The following FAM135B variants were observed in gnomAD, a reference collection of about 807,000 sequenced individuals.
FAM135B encodes protein FAM135B.
In FAM135B, 43 loss-of-function variants were observed where a neutral mutation model predicts 127.7. That is an observed-to-expected ratio of 0.34 (90% CI 0.26 to 0.43). The LOEUF (loss-of-function observed/expected upper bound fraction) is 0.43. Among genes scored for constraint, FAM135B ranks in the 20% least tolerant of loss-of-function variants. The probability of loss-of-function intolerance (pLI) is 1.00; values close to 1 mark genes in which losing one functional copy is unlikely to be tolerated. For synonymous variants in FAM135B, 670 were observed against 665.1 expected (o/e 1.01, Z -0.11); for missense variants, 1,558 against 1,725.6 (o/e 0.90, Z 1.72).
Position 138,271,428 on chromosome 8 carries a change from A to T in FAM135B, c.158-5586T>A, listed in dbSNP as rs114316366. Among the ~76,000 whole-genome samples the T allele has an allele frequency of 9.3e-3, 1,420 of 152,302 alleles. 18 individuals are homozygous for T. The highest frequency in any genetic ancestry group is 0.033 in the African/African-American group (1,365 of 41,556). ...TATTATGTTTGTATGTTTTTGCTAT[A>T]AAATGTGTTTATTCATTCATTGAAT... On this transcript the variant is annotated intron_variant, in intron 3 of 19. Coordinates refer to ENST00000395297, the MANE Select transcript of FAM135B (RefSeq NM_015912.4).
Position 138,173,581 on chromosome 8 carries a change from A to T in FAM135B, c.1103+3766T>A, listed in dbSNP as rs540965675. On this transcript the variant is annotated intron_variant, in intron 11 of 19. Transcript: ENST00000395297. Reference sequence around the variant, plus strand: ...AACATTAAACGAGCCAAAGCATGTAACGCACTCAGTTTCTGATCAGAGTAG... The same window carrying T: ...AACATTAAACGAGCCAAAGCATGTATCGCACTCAGTTTCTGATCAGAGTAG... Among the ~76,000 whole-genome samples, 15 of 152,310 alleles carry T rather than the reference A, an allele frequency of 9.8e-5. No homozygotes were observed. In the South Asian group the frequency reaches 2.9e-3, roughly 29 times the overall value.
chr8:138,328,771 G>T (rs867583319), intron 2 of FAM135B, among the ~76,000 whole-genome samples: 2 of 152,196 alleles, frequency 1.3e-5, no homozygotes, highest in African/African-American at 2.4e-5. Flanking sequence ...ACTTCTGTGA[G>T]CTACTATTCC....
At chr8:138,225,373 T>C (rs145529388) in intron 7 of FAM135B, among the ~76,000 whole-genome samples, 140 of 151,830 alleles carry the variant, frequency 9.2e-4, no homozygotes, top group African/African-American at 3.3e-3. Flanking sequence ...CACCAGACAC[T>C]GGGCTTGTAG....
chr8:138,132,690 T>C lies in FAM135B; in HGVS notation c.4124A>G (p.Asn1375Ser). 6.2e-7 allele frequency: 1 copy of C among 1,614,116 alleles called. No individual in the cohort carries two copies. Among genetic ancestry groups the C allele is most frequent in the Non-Finnish European group, 8.5e-7 (1 of 1,180,016 alleles). Residue 1375 changes from asparagine to serine, a missense_variant, in exon 20 of 20, where the codon AAC becomes AGC. Transcript: ENST00000395297. The surrounding 1 kb of genome is among the most constrained non-coding windows in gnomAD (Gnocchi z 4.5). ...GTGAGCGGCTCGGCCGATCAGGGTG[T>C]TGGCAGTGTTGGGCAGGGCGTGGAA... ...NVFHALPNTA[N>S]TLIGRAAHIA...
chr8:138,396,278 C>A (rs1014742069), intron 1 of FAM135B, among the ~76,000 whole-genome samples: 1 of 152,140 alleles, frequency 6.6e-6, no homozygotes, highest in Non-Finnish European at 1.5e-5. Flanking sequence ...AAGCAGTGGC[C>A]AGCGTGTGGC....
chr8:138,332,620 T>TGTGACAGGTGAGGA (rs1314631948), intron 2 of FAM135B, among the ~76,000 whole-genome samples: 3 of 151,788 alleles, frequency 2.0e-5, no homozygotes, highest in Non-Finnish European at 2.9e-5. Context: ...GGCTCCCCAC[T>TGTGACAGGTGAGGA]GTGACAGGTG....
At chr8:138,161,967 G>T (rs1462437994) in intron 12 of FAM135B, among the ~76,000 whole-genome samples, 1 of 152,164 alleles carries the variant, frequency 6.6e-6, no homozygotes, top group East Asian at 1.9e-4. Context: ...GTGATGAATT[G>T]AGAATAGAAC....
chr8:138,445,450 C>G (rs1341866333), intron 1 of FAM135B, among the ~76,000 whole-genome samples: 2 of 152,152 alleles, frequency 1.3e-5, no homozygotes, highest in Non-Finnish European at 2.9e-5. Flanking sequence ...AAAAGCTTAT[C>G]CACCATGATC....
chr8:138,304,447 T>C (rs1267780469), intron 3 of FAM135B, among the ~76,000 whole-genome samples: 2 of 152,232 alleles, frequency 1.3e-5, no homozygotes, highest in African/African-American at 2.4e-5. Context: ...TGCATGCCTA[T>C]AGTTTGTGCG....
At chr8:138,330,909 C>G (rs1196022274) in intron 2 of FAM135B, among the ~76,000 whole-genome samples, 1 of 151,116 alleles carries the variant, frequency 6.6e-6, no homozygotes, top group Non-Finnish European at 1.5e-5. Flanking sequence ...GTGGCATGAT[C>G]TCAGCTCACT....
chr8:138,379,641 G>A (rs192384797), intron 1 of FAM135B, among the ~76,000 whole-genome samples: 73 of 152,196 alleles, frequency 4.8e-4, no homozygotes, highest in African/African-American at 1.6e-3. Context: ...ACTGGATACC[G>A]AGCCCACAGC....
chr8:138,137,283 T>G, intron 18 of FAM135B, 23 bp from the exon 19 acceptor site: 2 of 1,297,214 alleles, frequency 1.5e-6, no homozygotes, highest in South Asian at 2.4e-5. Context: ...GCCAGATGAG[T>G]GCTTTTTACC....
chr8:138,145,930 T>C (rs1261191084), intron 15 of FAM135B, 29 bp downstream of exon 15: 2 of 1,234,206 alleles, frequency 1.6e-6, no homozygotes, highest in Non-Finnish European at 2.4e-6. Context: ...TCCAGGGTTC[T>C]TCCAGTTCTG....
At chr8:138,295,682 C>A (rs776198524) in intron 3 of FAM135B, among the ~76,000 whole-genome samples, 3 of 152,156 alleles carry the variant, frequency 2.0e-5, no homozygotes, top group Admixed American at 1.3e-4. Context: ...AGCATCCTAT[C>A]TTCTCGTGTA....
At chr8:138,232,075 C>A (rs756994808) in intron 7 of FAM135B, among the ~76,000 whole-genome samples, 1 of 152,252 alleles carries the variant, frequency 6.6e-6, no homozygotes, top group Non-Finnish European at 1.5e-5. Flanking sequence ...CTCACTCAAG[C>A]TCTCACAGTT....
chr8:138,204,842 A>T (rs2129678394), intron 7 of FAM135B, among the ~76,000 whole-genome samples: 1 of 152,364 alleles, frequency 6.6e-6, no homozygotes, highest in East Asian at 1.9e-4. Context: ...ATATTTTTTA[A>T]CCGAGAAATA....
intron 1 of FAM135B, among the ~76,000 whole-genome samples, chr8:138,461,569 C>T (rs1423979941): frequency 1.3e-5 from 2 of 152,104 alleles, no homozygotes; most frequent in Non-Finnish European, 2.9e-5. Flanking sequence ...AATGTTAAGC[C>T]AATACTCTAA....
At chr8:138,367,004 G>A (rs955770023) in intron 2 of FAM135B, among the ~76,000 whole-genome samples, 4 of 152,068 alleles carry the variant, frequency 2.6e-5, no homozygotes, top group Admixed American at 6.6e-5. Flanking sequence ...CTGTGAGCGA[G>A]CCCAGTGAGA....
At chr8:138,472,192 G>C (rs1389908035) in intron 1 of FAM135B, among the ~76,000 whole-genome samples, 1 of 152,058 alleles carries the variant, frequency 6.6e-6, no homozygotes, top group Non-Finnish European at 1.5e-5. Context: ...ATGGCCATTT[G>C]GTTTGATAAG....
Sources: allele counts gnomAD v4.1 joint callset (sites outside exome capture counted in the v4.1 genomes callset), GRCh38; gene constraint gnomAD v4.1.1; non-coding constraint Gnocchi (gnomAD v3.1); transcripts MANE v1.5; gene names NCBI Gene and HGNC (gene_info 2026-07-23, HGNC 2026-07-21).